Variants in PTPRT observed in about 807,000 individuals in gnomAD.
PTPRT encodes the protein receptor-type tyrosine-protein phosphatase T.
In PTPRT, 56 loss-of-function variants were observed where a neutral mutation model predicts 176.8. The observed-to-expected ratio is 0.32, with a 90% confidence interval of 0.26 to 0.40. The LOEUF (loss-of-function observed/expected upper bound fraction) is 0.40, where lower values mean the gene tolerates loss of function less well. PTPRT is among the 10% of genes least tolerant of loss of function. PTPRT has a pLI of 1.00. For missense variants in PTPRT, 1,540 were observed against 1,908.2 expected, an observed-to-expected ratio of 0.81 and a Z score of 3.60; for synonymous variants, 783 against 739.0, an observed-to-expected ratio of 1.06 and a Z score of -0.96.
the PTPRT span, among the ~76,000 whole-genome samples, chr20:42,048,620 A>G: frequency 6.6e-6 from 1 of 152,100 alleles, no homozygotes; most frequent in Non-Finnish European, 1.5e-5. Context: ...GCCAGCATCA[A>G]CCTACAGACA....
intron 8 of PTPRT, among the ~76,000 whole-genome samples, chr20:42,459,136 C>T (rs1183540496): frequency 1.3e-5 from 2 of 152,182 alleles, no homozygotes; most frequent in African/African-American, 4.8e-5. Flanking sequence ...AGGAACCATC[C>T]TGCTTATTTG....
In PTPRT at chr20:42,758,509, C is replaced by A. The variant is rs115970242; in HGVS notation, c.685-1873G>T. ...TGCTCCAGGCTACAGGCTACAGGCT[C>A]CAGGCTACAGGGAGATTGTAGGTAA... On this transcript the variant is annotated intron_variant, in intron 5 of 30. Transcript: ENST00000373187. 2.9e-3 allele frequency among the ~76,000 whole-genome samples: 447 copies of A among 152,146 alleles called. 1 individual carries two copies. The highest frequency in any genetic ancestry group is 0.01 in the African/African-American group (417 of 41,504).
intron 1 of PTPRT, among the ~76,000 whole-genome samples, chr20:43,081,342 T>C (rs1266730234): frequency 6.6e-6 from 1 of 152,208 alleles, no homozygotes; most frequent in South Asian, 2.1e-4. Context: ...TTGGCCAACA[T>C]TGGAATTTCA....
chr20:42,293,424 T>A (rs2057345789), intron 12 of PTPRT, among the ~76,000 whole-genome samples: 1 of 152,190 alleles, frequency 6.6e-6, no homozygotes, highest in Non-Finnish European at 1.5e-5. Context: ...TCATTCTACC[T>A]TCCAGACTTT....
At chr20:43,155,361 C>T (rs889035874) in intron 1 of PTPRT, among the ~76,000 whole-genome samples, 1 of 152,110 alleles carries the variant, frequency 6.6e-6, no homozygotes, top group African/African-American at 2.4e-5. Flanking sequence ...AAGGATGAAG[C>T]CCTGTCACTT....
intron 13 of PTPRT, among the ~76,000 whole-genome samples, chr20:42,257,707 C>T (rs1011342493): frequency 1.2e-4 from 18 of 146,136 alleles, no homozygotes; most frequent in Middle Eastern, 7.2e-3. Context: ...TGCCTGCTGC[C>T]CCTTTGCCTT....
chr20:42,256,572 A>G (rs910821384), intron 13 of PTPRT, among the ~76,000 whole-genome samples: 16 of 151,994 alleles, frequency 1.1e-4, no homozygotes, highest in African/African-American at 2.9e-4. Flanking sequence ...AATAGACTAG[A>G]TGATTAAATC....
At chr20:42,166,782 G>A (rs1317956965) in intron 16 of PTPRT, among the ~76,000 whole-genome samples, 1 of 152,124 alleles carries the variant, frequency 6.6e-6, no homozygotes, top group African/African-American at 2.4e-5. Context: ...TTAGCCAGGT[G>A]TGGTGCTGTG....
At chr20:42,969,827 G>T (rs1348038931) in intron 1 of PTPRT, among the ~76,000 whole-genome samples, 2 of 152,162 alleles carry the variant, frequency 1.3e-5, no homozygotes, top group Non-Finnish European at 2.9e-5. Context: ...GCTGAGGGAT[G>T]TTATTAATAA....
intron 1 of PTPRT, among the ~76,000 whole-genome samples, chr20:42,974,256 C>G (rs1285950656): frequency 1.3e-5 from 2 of 152,118 alleles, no homozygotes; most frequent in Non-Finnish European, 2.9e-5. Flanking sequence ...TCACCATTCC[C>G]CATCTGAACT....
intron 7 of PTPRT, among the ~76,000 whole-genome samples, chr20:42,569,310 T>C (rs914169424): frequency 2.6e-5 from 4 of 151,742 alleles, no homozygotes; most frequent in East Asian, 1.9e-4. Context: ...CCTTTCCCAA[T>C]AGACTGCAAG....
chr20:43,151,863 CAA>C (rs746294089), intron 1 of PTPRT, among the ~76,000 whole-genome samples: 6 of 125,668 alleles, frequency 4.8e-5, no homozygotes, highest in African/African-American at 8.8e-5. Context: ...AACTCCGTCT[CAA>C]AAAAAAAAAA....
chr20:42,262,266 T>C (rs2056762661), intron 13 of PTPRT, among the ~76,000 whole-genome samples: 1 of 152,112 alleles, frequency 6.6e-6, no homozygotes, highest in Admixed American at 6.5e-5. Context: ...CTGCTCTTAG[T>C]GGGAGGTGAG....
chr20:43,140,419 A>G (rs1183561001), intron 1 of PTPRT, among the ~76,000 whole-genome samples: 3 of 151,802 alleles, frequency 2.0e-5, no homozygotes, highest in Non-Finnish European at 4.4e-5. Flanking sequence ...TTTTAGATGG[A>G]CAAGAGTTAG....
intron 2 of PTPRT, among the ~76,000 whole-genome samples, chr20:42,870,954 CTT>C (rs61532865): frequency 1.7e-4 from 24 of 140,290 alleles, no homozygotes; most frequent in African/African-American, 1.8e-4. Context: ...ATTTTCTTTT[CTT>C]TTTTTTTTTT....
chr20:43,094,378 A>ATG (rs1485728317), intron 1 of PTPRT, among the ~76,000 whole-genome samples: 2 of 112,792 alleles, frequency 1.8e-5, no homozygotes, highest in Non-Finnish European at 1.8e-5. Context: ...GAGCCACCGC[A>ATG]CCCGGCCTCT....
At chr20:42,931,138 T>A (rs1387666299) in intron 1 of PTPRT, among the ~76,000 whole-genome samples, 1 of 152,128 alleles carries the variant, frequency 6.6e-6, no homozygotes, top group Non-Finnish European at 1.5e-5. Flanking sequence ...GGGCTAAGAT[T>A]TGAATTATAT....
intron 1 of PTPRT, among the ~76,000 whole-genome samples, chr20:42,964,932 TC>T (rs1034859175): frequency 1.3e-5 from 2 of 152,212 alleles, no homozygotes; most frequent in Non-Finnish European, 2.9e-5. Flanking sequence ...GATTAGAATA[TC>T]CATTCTTGAT....
At chr20:42,434,918 T>C (rs1336956487) in intron 9 of PTPRT, among the ~76,000 whole-genome samples, 1 of 151,942 alleles carries the variant, frequency 6.6e-6, no homozygotes, top group South Asian at 2.1e-4. Flanking sequence ...TAAGTTGAGA[T>C]TGCATCACTG....
Sources: allele counts gnomAD v4.1 joint callset (sites outside exome capture counted in the v4.1 genomes callset), GRCh38; gene constraint gnomAD v4.1.1; transcripts MANE v1.5; gene names NCBI Gene and HGNC (gene_info 2026-07-23, HGNC 2026-07-21).